MYCBP2: variants seen among roughly 807,000 people sequenced by gnomAD.
The protein encoded by MYCBP2 is E3 ubiquitin-protein ligase MYCBP2.
A neutral mutation model predicts 525.3 loss-of-function variants in MYCBP2; 120 were observed. The ratio of observed to expected loss-of-function variants is 0.23; its 90% CI spans 0.20 to 0.27. The LOEUF is 0.27. Ranked by LOEUF, MYCBP2 falls within the 10% of genes least tolerant of loss-of-function variation. MYCBP2 has a pLI of 1.00. For missense variants in MYCBP2, 4,149 were observed against 5,657.1 expected, an observed-to-expected ratio of 0.73 and a Z score of 8.55; for synonymous variants, 1,894 against 1,955.8, an observed-to-expected ratio of 0.97 and a Z score of 0.83.
In MYCBP2 at chr13:77,326,601, C is replaced by T. The variant is rs1369779165; in HGVS notation, c.175G>A (p.Asp59Asn). 3 of 1,584,726 alleles carry T rather than the reference C, an allele frequency of 1.9e-6. No homozygotes were observed. The highest frequency in any genetic ancestry group is 4.8e-5 in the East Asian group (2 of 41,280). ...AGCAGCTGGTAGTGACCCCGGGAGT[C>T]CGCGGCGGGTAGCCCCAGCCCCAGC... ...AGLGLGLPAA[D>N]SRGHYQLLLS... Residue 59 changes from aspartate (D) to asparagine (N), a missense_variant, in exon 1 of 83, where the codon GAC becomes AAC. Asp to Asn is a conservative substitution (Grantham distance 23). Transcript: ENST00000544440. This position sits in a 1 kb window ranked among gnomAD's most constrained non-coding sequence, Gnocchi z 4.2.
chr13:77,318,708 C>T (rs1323499812), intron 1 of MYCBP2, among the ~76,000 whole-genome samples: 1 of 152,166 alleles, frequency 6.6e-6, no homozygotes, highest in Admixed American at 6.5e-5. Flanking sequence ...GAGCCGAGAT[C>T]GCACCACTGC....
At chr13:77,292,476 T>C (rs2077582052) in intron 2 of MYCBP2, among the ~76,000 whole-genome samples, 1 of 151,726 alleles carries the variant, frequency 6.6e-6, no homozygotes, top group African/African-American at 2.4e-5. Flanking sequence ...AATGAACTAT[T>C]GATATACAAC....
chr13:77,267,965 A>G (rs766181499), intron 7 of MYCBP2, 28 bp from the exon 8 acceptor site: 4 of 1,493,002 alleles, frequency 2.7e-6, no homozygotes, highest in Non-Finnish European at 3.7e-6. Flanking sequence ...TTTTCCTGTT[A>G]AAATATTTAT....
chr13:77,245,651 T>C (rs889780133), intron 15 of MYCBP2, among the ~76,000 whole-genome samples: 24 of 151,484 alleles, frequency 1.6e-4, no homozygotes, highest in East Asian at 1.2e-3. Context: ...AAATACCTAA[T>C]GACCGGTTGA....
chr13:77,133,512 TA>T (rs1365492328), intron 52 of MYCBP2, among the ~76,000 whole-genome samples: 1 of 152,138 alleles, frequency 6.6e-6, no homozygotes, highest in Non-Finnish European at 1.5e-5. Context: ...TATCCTTAAG[TA>T]GCTTAAAAAC....
intron 21 of MYCBP2, among the ~76,000 whole-genome samples, chr13:77,217,262 C>T (rs1263706337): frequency 6.6e-6 from 1 of 152,156 alleles, no homozygotes; most frequent in African/African-American, 2.4e-5. Flanking sequence ...TTAGCACAGT[C>T]TCGCAAAGAT....
chr13:77,162,295 C>G (rs2058028551), intron 43 of MYCBP2, among the ~76,000 whole-genome samples: 1 of 152,110 alleles, frequency 6.6e-6, no homozygotes, highest in Admixed American at 6.6e-5. Context: ...CAGATCTGGG[C>G]CTTTATATTT....
chr13:77,164,761 A>T (rs1228740663), intron 42 of MYCBP2, among the ~76,000 whole-genome samples: 1 of 152,196 alleles, frequency 6.6e-6, no homozygotes. Context: ...ATAACTGTTC[A>T]TTCATGACTT....
chr13:77,097,958 C>T lies in MYCBP2; in HGVS notation c.9196G>A (p.Ala3066Thr), dbSNP rs1359770712. Residue 3066 changes from alanine (A) to threonine (T), a missense_variant, in exon 56 of 83, where the codon GCT becomes ACT. Around this residue, in one of 21 missense-constraint regions of MYCBP2, gnomAD observed 653 missense variants for 744.7 expected, o/e 0.88. Transcript: ENST00000544440. Reference protein sequence around the residue: ...KFHPELSKEHAPIRSSLNSQQ... With the variant: ...KFHPELSKEHTPIRSSLNSQQ... ...CTATTTAAACTACTCCTTATAGGAG[C>T]ATGTTCTTTGGAAAGTTCAGGATGA... 110 of 1,613,388 alleles carry T rather than the reference C, an allele frequency of 6.8e-5. No homozygotes were observed. The highest frequency in any genetic ancestry group is 9.1e-5 in the Non-Finnish European group (107 of 1,179,754).
chr13:77,051,990 T>C, intron 80 of MYCBP2, 72 bp from the exon 81 acceptor site: 11 of 1,137,630 alleles, frequency 9.7e-6, no homozygotes, highest in Middle Eastern at 1.9e-4. Flanking sequence ...AGTATGGGCA[T>C]AGTGAAAGTA....
chr13:77,097,521 T>C lies in MYCBP2; in HGVS notation c.9633A>G (p.Lys3211=). 5.0e-6 allele frequency: 8 copies of C among 1,612,344 alleles called. No homozygotes were observed. The highest frequency in any genetic ancestry group is 6.8e-6 in the Non-Finnish European group (8 of 1,179,300). ...ENKKSKKEKK[K]KEKAEVRPRG... ...TGGGCCTAACTTCTGCCTTTTCTTT[T>C]TTCTTTTTTTCCTTTTTGGACTTCT... The change falls in exon 56 of 83, where the codon AAA becomes AAG. Residue 3211 remains lysine, a synonymous_variant. Coordinates refer to ENST00000544440, the MANE Select transcript of MYCBP2 (RefSeq NM_015057.5).
At chr13:77,067,524 T>G (rs920858962) in intron 71 of MYCBP2, 57 bp downstream of exon 71, 4 of 1,541,864 alleles carry the variant, frequency 2.6e-6, no homozygotes, top group Non-Finnish European at 2.7e-6. Context: ...GTCTTAAATT[T>G]CTGAACAGTA....
intron 14 of MYCBP2, among the ~76,000 whole-genome samples, chr13:77,251,945 C>G (rs978428857): frequency 6.6e-6 from 1 of 152,084 alleles, no homozygotes; most frequent in Non-Finnish European, 1.5e-5. Flanking sequence ...CTCCCTCTGC[C>G]TCTTCCTTCC....
Position 77,326,467 on chromosome 13 carries a change from G to T in MYCBP2, c.302+7C>A. 1 of 1,549,708 alleles carries T rather than the reference G, an allele frequency of 6.5e-7. No homozygotes were observed. Among genetic ancestry groups the T allele is most frequent in the Non-Finnish European group, 8.7e-7 (1 of 1,152,362 alleles). ...GGGGCGCAAGGAAGGGCACCCTGGG[G>T]ACGCACCTGGAGGCTGGGTGTCCAG... On this transcript the variant is annotated splice_region_variant and intron_variant, in intron 1 of 82. Transcript: ENST00000544440. This position sits in a 1 kb window ranked among gnomAD's most constrained non-coding sequence, Gnocchi z 4.2.
intron 2 of MYCBP2, among the ~76,000 whole-genome samples, chr13:77,293,502 T>C (rs898210822): frequency 1.3e-5 from 2 of 152,156 alleles, no homozygotes; most frequent in Non-Finnish European, 2.9e-5. Context: ...AGGTAAATAA[T>C]AGCCTCCAAA....
Position 77,095,557 on chromosome 13 carries a change from C to A in MYCBP2, c.10000G>T (p.Ala3334Ser), listed in dbSNP as rs1399542041. The A allele has an allele frequency of 6.2e-7, 1 of 1,613,474 alleles. No homozygotes were observed. The highest frequency in any genetic ancestry group is 1.1e-5 in the South Asian group (1 of 91,062). Residue 3334 changes from alanine (A) to serine (S), a missense_variant, in exon 58 of 83, where the codon GCC (alanine) becomes TCC (serine). By Grantham distance (99) the Ala-to-Ser change is moderately conservative. Coordinates refer to ENST00000544440, the MANE Select transcript of MYCBP2 (RefSeq NM_015057.5). ...TGGTGAGCTTCCATGGTGGGCAAGG[C>A]ACGAGGGGTCTTGACTTGCATTGGT... ...RKPMQVKTPRALPTMEAHQVI... is the reference protein window; with the variant it reads ...RKPMQVKTPRSLPTMEAHQVI...
intron 76 of MYCBP2, among the ~76,000 whole-genome samples, chr13:77,060,299 A>T (rs1224140928): frequency 6.6e-6 from 1 of 152,248 alleles, no homozygotes; most frequent in East Asian, 1.9e-4. Context: ...AAATCTATTT[A>T]AAAAGGATGG....
intron 49 of MYCBP2, among the ~76,000 whole-genome samples, chr13:77,143,041 T>C (rs1295085144): frequency 1.3e-5 from 2 of 152,210 alleles, no homozygotes; most frequent in East Asian, 3.8e-4. Context: ...TTACAAGAAA[T>C]TCACACTGAT....
chr13:77,294,141 T>TATATATATAC (rs1460788828), intron 2 of MYCBP2, among the ~76,000 whole-genome samples: 1 of 130,898 alleles, frequency 7.6e-6, no homozygotes, highest in African/African-American at 2.8e-5. Flanking sequence ...CATATATATA[T>TATATATATAC]ACATATATAT....
Sources: gnomAD v4.1 joint callset for allele counts (sites outside exome capture counted in the v4.1 genomes callset) on GRCh38, gnomAD v4.1.1 for gene constraint, gnomAD v4.1.1 regional missense constraint, Gnocchi (gnomAD v3.1) non-coding constraint, MANE v1.5 for transcripts, NCBI Gene and HGNC (gene_info 2026-07-23, HGNC 2026-07-21) for gene names.